The following HDAC4 variants were observed in gnomAD, a reference collection of about 807,000 sequenced individuals.
HDAC4 encodes histone deacetylase 4.
A neutral mutation model predicts 135.1 loss-of-function variants in HDAC4; 16 were observed. The observed-to-expected ratio is 0.12, with a 90% CI of 0.08 to 0.18. The LOEUF (loss-of-function observed/expected upper bound fraction) is 0.18, where lower values mean the gene tolerates loss of function less well. Among genes scored for constraint, HDAC4 ranks in the 10% least tolerant of loss-of-function variants. HDAC4 has a pLI of 1.00. For synonymous variants in HDAC4, 685 were observed against 653.4 expected (o/e 1.05, Z -0.74); for missense variants, 1,143 against 1,511.8 (o/e 0.76, Z 4.05).
intron 24 of HDAC4, among the ~76,000 whole-genome samples, chr2:239,063,358 C>T (rs978566701): frequency 6.6e-6 from 1 of 152,064 alleles, no homozygotes; most frequent in African/African-American, 2.4e-5. Context: ...CCGCCACTGC[C>T]CCCGACTAAT....
At chr2:239,339,432 G>T (rs979154504) in intron 2 of HDAC4, among the ~76,000 whole-genome samples, 1 of 152,154 alleles carries the variant, frequency 6.6e-6, no homozygotes, top group Non-Finnish European at 1.5e-5. Flanking sequence ...GCCACCCCTG[G>T]GCAGTGATCT....
chr2:239,147,987 G>A (rs925055195), intron 7 of HDAC4, among the ~76,000 whole-genome samples: 1 of 152,220 alleles, frequency 6.6e-6, no homozygotes, highest in Admixed American at 6.5e-5. Flanking sequence ...TTAACTCTTA[G>A]GGGCCGGGTT....
intron 26 of HDAC4, 43 bp from the exon 27 acceptor site, chr2:239,053,179 T>G: frequency 1.9e-6 from 3 of 1,611,554 alleles, no homozygotes; most frequent in Non-Finnish European, 1.7e-6. Context: ...GTGGGGCAGG[T>G]GCACCACAGA....
At chr2:239,263,172 G>A (rs1016061799) in intron 2 of HDAC4, among the ~76,000 whole-genome samples, 2 of 152,104 alleles carry the variant, frequency 1.3e-5, no homozygotes, top group Non-Finnish European at 2.9e-5. Context: ...CTGTGTCGGT[G>A]CCCTAGCCTC....
intron 7 of HDAC4, among the ~76,000 whole-genome samples, chr2:239,154,463 C>T (rs1048563343): frequency 6.6e-6 from 1 of 152,122 alleles, no homozygotes; most frequent in African/African-American, 2.4e-5. Flanking sequence ...AATGAGCACA[C>T]ATCCAACCCA....
At chr2:239,063,766 C>CCT (rs2033119581) in intron 24 of HDAC4, among the ~76,000 whole-genome samples, 1 of 152,230 alleles carries the variant, frequency 6.6e-6, no homozygotes, top group African/African-American at 2.4e-5. Flanking sequence ...CCAGGGTCAC[C>CCT]CTGCCCTTGG....
intron 6 of HDAC4, among the ~76,000 whole-genome samples, chr2:239,162,760 G>T (rs1430057262): frequency 6.6e-6 from 1 of 152,216 alleles, no homozygotes; most frequent in Non-Finnish European, 1.5e-5. Context: ...CAGAGTGGAG[G>T]ACGTGGGCCA....
intron 22 of HDAC4, among the ~76,000 whole-genome samples, chr2:239,077,542 G>A (rs1167090689): frequency 6.6e-6 from 1 of 152,274 alleles, no homozygotes; most frequent in African/African-American, 2.4e-5. Flanking sequence ...CAGCTCTGAG[G>A]CTGTAGCTTA....
intron 2 of HDAC4, among the ~76,000 whole-genome samples, chr2:239,288,512 T>A (rs978810758): frequency 6.6e-6 from 1 of 152,180 alleles, no homozygotes; most frequent in African/African-American, 2.4e-5. Context: ...TAAACTAGCA[T>A]CGTTACTTTA....
intron 22 of HDAC4, among the ~76,000 whole-genome samples, chr2:239,074,541 T>C (rs1451617417): frequency 6.6e-6 from 1 of 152,254 alleles, no homozygotes; most frequent in Non-Finnish European, 1.5e-5. Context: ...TCGTGGGCAC[T>C]GGCACGTCGG....
chr2:239,120,949 G>C lies in HDAC4; in HGVS notation c.1533+5507C>G, dbSNP rs570478907. ...AAAGGAGACGGCCCAGGGAGGACTC[G>C]GTGGACACAGAAGCTCCAAGACTTT... On this transcript the variant is annotated intron_variant, in intron 12 of 26. Coordinates refer to ENST00000543185, the MANE Select transcript of HDAC4 (RefSeq NM_001378414.1). Among the ~76,000 whole-genome samples, 361 of 152,104 alleles carry C rather than the reference G, an allele frequency of 2.4e-3. 1 individual carries two copies. Among genetic ancestry groups the C allele is most frequent in the Middle Eastern group, 3.4e-3 (1 of 294 alleles).
intron 2 of HDAC4, among the ~76,000 whole-genome samples, chr2:239,321,468 A>C (rs1350352889): frequency 1.3e-5 from 1 of 78,082 alleles, no homozygotes; most frequent in Non-Finnish European, 3.2e-5. Flanking sequence ...CCGTCTCAAA[A>C]AAAAAAAAAA....
intron 2 of HDAC4, among the ~76,000 whole-genome samples, chr2:239,274,821 C>T (rs556818967): frequency 6.6e-6 from 1 of 152,332 alleles, no homozygotes; most frequent in South Asian, 2.1e-4. Context: ...TAGGCCTGGC[C>T]TGGCCCCCAC....
intron 1 of HDAC4, among the ~76,000 whole-genome samples, chr2:239,398,695 C>T (rs188294501): frequency 2.6e-5 from 4 of 152,336 alleles, no homozygotes; most frequent in African/African-American, 9.6e-5. Flanking sequence ...TTTTATTTTG[C>T]ATGGCTAGGA....
At chr2:239,072,822 AGAATCTTATTGAAAAGTTCCTCT>A (rs2034334142) in intron 22 of HDAC4, among the ~76,000 whole-genome samples, 1 of 152,262 alleles carries the variant, frequency 6.6e-6, no homozygotes, top group Non-Finnish European at 1.5e-5. Context: ...ACCGCAGATC[AGAATCTTATTGAAAAGTTCCTCT>A]GATTTCTGGT....
intron 17 of HDAC4, chr2:239,094,488 G>A: frequency 9.9e-7 from 1 of 1,010,612 alleles, no homozygotes; most frequent in Non-Finnish European, 1.2e-6. Flanking sequence ...AGCTGGCACA[G>A]ACCAGTGATT....
At chr2:239,369,219 C>T (rs770064162) in intron 1 of HDAC4, among the ~76,000 whole-genome samples, 43 of 152,308 alleles carry the variant, frequency 2.8e-4, no homozygotes, top group Middle Eastern at 3.4e-3. Flanking sequence ...GCCCATTCCC[C>T]GACGGTCCCC....
rs2052727614 is a variant in HDAC4 at position 239,308,676 on chromosome 2, C to G, written c.22+44002G>C. Among the ~76,000 whole-genome samples the G allele has an allele frequency of 6.6e-6, 1 of 152,228 alleles. No homozygotes were observed. Among genetic ancestry groups the G allele is most frequent in the East Asian group, 1.9e-4 (1 of 5,168 alleles). ...GTGTGGTTAACAGGCCTCCGGGTGT[C>G]CCCCCCTTCCAGCCCAGTGCAGGGG... On this transcript the variant is annotated intron_variant, in intron 2 of 26. Coordinates refer to ENST00000543185, the MANE Select transcript of HDAC4 (RefSeq NM_001378414.1). This position sits in a 1 kb window ranked among gnomAD's most constrained non-coding sequence, Gnocchi z 4.2.
At chr2:239,118,625 G>A (rs1052723412) in intron 12 of HDAC4, among the ~76,000 whole-genome samples, 3 of 152,206 alleles carry the variant, frequency 2.0e-5, no homozygotes, top group African/African-American at 7.2e-5. Flanking sequence ...TGAGAGCCCC[G>A]TGAGGCCAAG....
Sources: gnomAD v4.1 joint callset for allele counts (sites outside exome capture counted in the v4.1 genomes callset) on GRCh38, gnomAD v4.1.1 for gene constraint, Gnocchi (gnomAD v3.1) non-coding constraint, MANE v1.5 for transcripts, NCBI Gene and HGNC (gene_info 2026-07-23, HGNC 2026-07-21) for gene names.